The following CTU2 variants were observed in gnomAD, a reference collection of about 807,000 sequenced individuals.
CTU2 encodes cytoplasmic tRNA 2-thiolation protein 2.
In CTU2, 80 loss-of-function variants were observed where a neutral mutation model predicts 64.1. The observed-to-expected ratio is 1.25, with a 90% CI of 1.04 to 1.50. The LOEUF is 1.50. CTU2 is among the 40% of genes most tolerant of loss of function. The pLI is 0.00. For synonymous variants in CTU2, 482 were observed against 285.3 expected (o/e 1.69, Z -6.95); for missense variants, 1,110 against 690.2 (o/e 1.61, Z -6.81).
At chr16:88,710,347 C>A in intron 4 of CTU2, 65 bp downstream of exon 4, 2 of 1,558,980 alleles carry the variant, frequency 1.3e-6, no homozygotes, top group Non-Finnish European at 1.8e-6. Flanking sequence ...GGCCTCCCTT[C>A]TCAGCCTGCT....
In CTU2 at chr16:88,707,273, C is replaced by T. The variant is rs548102756; in HGVS notation, c.143+63C>T. 3 of 1,412,356 alleles carry T rather than the reference C, an allele frequency of 2.1e-6. No homozygotes were observed. In the African/African-American group the frequency reaches 4.2e-5, roughly 20 times the overall value. 87.5% of individuals were successfully genotyped at this position (1,412,356 alleles called of 1,614,324 possible). The stretch of plus-strand genomic sequence containing the variant: ...GCCTCGCTAGCAGACAGGATAGCCG[C>T]AACTTGTGATGCTTTGTTAATTCTT... On this transcript the variant is annotated intron_variant, in intron 2 of 14. Transcript: ENST00000453996.
At chr16:88,711,607 G>T (rs769007533) in intron 4 of CTU2, 28 bp from the exon 5 acceptor site, 2 of 1,578,026 alleles carry the variant, frequency 1.3e-6, no homozygotes, top group Admixed American at 1.8e-5. Context: ...ATGGCTGGGG[G>T]CTGAGTCCCT....
At chr16:88,710,051 C>T in intron 3 of CTU2, 35 bp downstream of exon 3, 2 of 1,607,940 alleles carry the variant, frequency 1.2e-6, no homozygotes, top group South Asian at 2.2e-5. Flanking sequence ...GACTGAGCAG[C>T]CTGGCCCCTC....
In CTU2 at chr16:88,714,712, C is replaced by T. The variant is rs374920828; in HGVS notation, c.1327C>T (p.Arg443Cys). ...CCSPGVGWAQ[R>C]CGQGACRRED... ...TTCTCCAGGGGTGGGCTGGGCCCAG[C>T]GCTGTGGCCAGGGGGCCTGCAGGAG... The change falls in exon 12 of 15, where the codon CGC becomes TGC. Residue 443 changes from arginine (R) to cysteine (C), a missense_variant. Transcript: ENST00000453996. The T allele has an allele frequency of 8.9e-5, 144 of 1,609,514 alleles. No individual in the cohort carries two copies. In the African/African-American group the frequency reaches 9.6e-4, roughly 11 times the overall value.
chr16:88,715,389 CTACAG>C (rs941879758), exon 15 of CTU2: 82 of 1,058,436 alleles, frequency 7.7e-5, no homozygotes, highest in Admixed American at 2.2e-4. Context: ...AAAAAAAACT[CTACAG>C]TACACGTGGG....
intron 2 of CTU2, among the ~76,000 whole-genome samples, chr16:88,707,933 C>T (rs1169074840): frequency 1.3e-5 from 2 of 152,126 alleles, no homozygotes; most frequent in Admixed American, 1.3e-4. Flanking sequence ...GCCTCAGCCT[C>T]CTGAGTAGCT....
At position 88,715,362 on chromosome 16, in the gene CTU2, A is replaced by C; in HGVS notation, c.*111A>C. ...CTCTGATTGTCCATTTGTATAAATA[A>C]AACATTTTTTAATTAAAAAAAAAAC... On this transcript the variant is annotated 3_prime_UTR_variant, in exon 15 of 15. Coordinates refer to ENST00000453996, the MANE Select transcript of CTU2 (RefSeq NM_001012759.3). 2 of 1,237,954 alleles carry C rather than the reference A, an allele frequency of 1.6e-6. No homozygotes were observed. Among genetic ancestry groups the C allele is most frequent in the Non-Finnish European group, 2.2e-6 (2 of 904,662 alleles). 76.7% of individuals were successfully genotyped at this position (1,237,954 alleles called of 1,614,324 possible). A position where few individuals can be genotyped will look rare whatever the true frequency, so the allele number is the denominator to read the frequency against.
In CTU2 at chr16:88,709,728, G is replaced by A. The variant is rs139682685; in HGVS notation, c.144-210G>A. On this transcript the variant is annotated intron_variant, in intron 2 of 14. Coordinates refer to ENST00000453996, the MANE Select transcript of CTU2 (RefSeq NM_001012759.3). ...TGCAGTTTGTACCTGGTCGTGGGAG[G>A]GGCCGGTGAGCCTCGTGTTCACCCT... 2.3e-3 allele frequency: 1,346 copies of A among 583,004 alleles called. 9 individuals are homozygous for A. The highest frequency in any genetic ancestry group is 0.023 in the African/African-American group (1,231 of 53,644). 36.1% of individuals were successfully genotyped at this position (583,004 alleles called of 1,614,324 possible).
intron 5 of CTU2, among the ~76,000 whole-genome samples, 173 bp downstream of exon 5, chr16:88,711,868 G>C (rs1411818438): frequency 6.6e-6 from 1 of 152,208 alleles, no homozygotes; most frequent in Non-Finnish European, 1.5e-5. Context: ...CCTGAAGGAG[G>C]CAGCAGATGT....
At chr16:88,711,237 G>T (rs546806111) in intron 4 of CTU2, among the ~76,000 whole-genome samples, 1 of 152,132 alleles carries the variant, frequency 6.6e-6, no homozygotes, top group Non-Finnish European at 1.5e-5. Context: ...TGTGCCCAGC[G>T]GCGCCCCTGC....
chr16:88,713,690 C>T lies in CTU2; in HGVS notation c.917C>T (p.Pro306Leu), dbSNP rs1209073358. 1.9e-6 allele frequency: 3 copies of T among 1,612,650 alleles called. No homozygotes were observed. The highest frequency in any genetic ancestry group is 2.2e-5 in the South Asian group (2 of 91,082). ...ERHGDVVVVR[P>L]MRDHTLKEVA... ...CACGGGGACGTGGTGGTGGTGCGGC[C>T]CATGCGGGACCACACCCTGAAGGAG... Residue 306 changes from proline to leucine, a missense_variant, in exon 9 of 15, where the codon CCC (proline) becomes CTC (leucine). Transcript: ENST00000453996.
rs537133246 is a variant in CTU2 at position 88,710,612 on chromosome 16, G to A, written c.282+330G>A. 64 of 337,142 alleles carry A rather than the reference G, an allele frequency of 1.9e-4. 2 individuals carry two copies. The South Asian group carries it at 2.0e-3, about 10-fold the overall frequency. The allele number at this position is 337,142 out of a possible 1,614,324, so 20.9% of individuals were successfully genotyped here. On this transcript the variant is annotated intron_variant, in intron 4 of 14. Transcript: ENST00000453996. ...AGCTGGGTCCACAGTGCGTGTGTGC[G>A]GCCCACTCTCAGATGTGTTTACAGC...
rs1567648445 is a variant in CTU2, at chr16:88,712,050, T to G, written c.344-224T>G. 18 of 678,746 alleles carry G rather than the reference T, an allele frequency of 2.7e-5. No individual in the cohort carries two copies. The East Asian group carries it at 4.6e-4, about 17-fold the overall frequency. 42.0% of individuals were successfully genotyped at this position (678,746 alleles called of 1,614,324 possible). A position where few individuals can be genotyped will look rare whatever the true frequency, so the allele number is the denominator to read the frequency against. On this transcript the variant is annotated intron_variant, in intron 5 of 14. Transcript: ENST00000453996. ...GCCCAGGGGCCGACTCCCCGACCCTTGCTCCTGCAGAACGAACTCCTGGGG... is the reference window on the plus strand; with the variant it reads ...GCCCAGGGGCCGACTCCCCGACCCTGGCTCCTGCAGAACGAACTCCTGGGG...
At chr16:88,709,696 G>T in intron 2 of CTU2, 2 of 538,808 alleles carry the variant, frequency 3.7e-6, no homozygotes, top group East Asian at 3.2e-5. Context: ...TGCAGCCTCC[G>T]TGGCTGTGCA....
Position 88,713,671 on chromosome 16 carries a change from G to C in CTU2, c.898G>C (p.Asp300His). 6.2e-7 allele frequency: 1 copy of C among 1,612,592 alleles called. No homozygotes were observed. Among genetic ancestry groups the C allele is most frequent in the Non-Finnish European group, 8.5e-7 (1 of 1,179,844 alleles). The stretch of plus-strand genomic sequence containing the variant: ...GGGCTTCTCGGATGAGCGGCACGGG[G>C]ACGTGGTGGTGGTGCGGCCCATGCG... ...DTGFSDERHG[D>H]VVVVRPMRDH... The change falls in exon 9 of 15, where the codon GAC (aspartate) becomes CAC (histidine). Residue 300 changes from aspartate to histidine, a missense_variant. Coordinates refer to ENST00000453996, the MANE Select transcript of CTU2 (RefSeq NM_001012759.3).
rs780443303 is a variant in CTU2, at chr16:88,707,123, C to T, written c.69-13C>T. 9.9e-6 allele frequency: 16 copies of T among 1,612,962 alleles called. No homozygotes were observed. The highest frequency in any genetic ancestry group is 5.3e-5 in the African/African-American group (4 of 74,930). ...TCTGTGTTTCTCTCTTCTCCCCCCT[C>T]CCATCTCCAAAGCCGTGAGCAGAAG... On this transcript the variant is annotated splice_polypyrimidine_tract_variant and intron_variant, in intron 1 of 14. Coordinates refer to ENST00000453996, the MANE Select transcript of CTU2 (RefSeq NM_001012759.3).
rs530431829 is a variant in CTU2, at chr16:88,714,729, C to T, written c.1344C>T (p.Ala448=). The T allele has an allele frequency of 2.6e-4, 419 of 1,607,488 alleles. 4 individuals carry two copies. The South Asian group carries it at 4.3e-3, about 16-fold the overall frequency. ...GGGCCCAGCGCTGTGGCCAGGGGGC[C>T]TGCAGGAGGTGAGTCCCTGTCCCTG... ...VGWAQRCGQG[A]CRREDPQACI... Residue 448 remains alanine (A), a synonymous_variant, in exon 12 of 15, where the codon GCC becomes GCT. Coordinates refer to ENST00000453996, the MANE Select transcript of CTU2 (RefSeq NM_001012759.3).
At position 88,715,095 on chromosome 16, in the gene CTU2, C is replaced by T; in HGVS notation, c.1467C>T (p.Leu489=). The change falls in exon 14 of 15, where the codon CTC becomes CTT. Residue 489 remains leucine (L), a synonymous_variant. Coordinates refer to ENST00000453996, the MANE Select transcript of CTU2 (RefSeq NM_001012759.3). ...CGTACATCCTGGCTGAGGCCCAGCT[C>T]CGCACACAGAGGTACTGGGGCCCAC... ...LPPYILAEAQ[L]RTQRAWGLQE... is the part of the protein sequence containing the mutation. 1 of 1,584,048 alleles carries T rather than the reference C, an allele frequency of 6.3e-7. No homozygotes were observed. Among genetic ancestry groups the T allele is most frequent in the Non-Finnish European group, 8.6e-7 (1 of 1,164,402 alleles).
intron 6 of CTU2, 90 bp from the exon 7 acceptor site, chr16:88,712,532 G>A (rs1307170900): frequency 5.9e-6 from 9 of 1,528,440 alleles, no homozygotes; most frequent in South Asian, 5.0e-5. Context: ...CAGCCTCACT[G>A]CCGTCTCCCG....
Sources: gnomAD v4.1 joint callset for allele counts (sites outside exome capture counted in the v4.1 genomes callset) on GRCh38, gnomAD v4.1.1 for gene constraint, MANE v1.5 for transcripts, NCBI Gene and HGNC (gene_info 2026-07-23, HGNC 2026-07-21) for gene names.